Variants in CDH13 observed in about 807,000 individuals in gnomAD.
The protein encoded by CDH13 is cadherin-13.
CDH13 carries 24 observed loss-of-function variants against 63.8 expected under a neutral mutation model. That is an observed-to-expected ratio of 0.38 (90% CI 0.27 to 0.53). CDH13 has a LOEUF of 0.53. Among genes scored for constraint, CDH13 ranks in the 20% least tolerant of loss-of-function variants. The probability of loss-of-function intolerance (pLI) is 0.85; values close to 1 mark genes in which losing one functional copy is unlikely to be tolerated. For synonymous variants in CDH13, 503 were observed against 355.3 expected (o/e 1.42, Z -4.67); for missense variants, 1,049 against 903.1 (o/e 1.16, Z -2.07).
chr16:83,656,559 C>A (rs1328568564), intron 8 of CDH13, among the ~76,000 whole-genome samples: 1 of 152,148 alleles, frequency 6.6e-6, no homozygotes, highest in African/African-American at 2.4e-5. Context: ...ATTGCCCAAG[C>A]TGGGACCAGA....
At chr16:83,669,280 C>T (rs1018021281) in intron 8 of CDH13, among the ~76,000 whole-genome samples, 3 of 152,210 alleles carry the variant, frequency 2.0e-5, no homozygotes, top group South Asian at 2.1e-4. Flanking sequence ...GATTTTCATG[C>T]GCTTTAACCC....
chr16:83,068,315 A>G (rs2032174815), intron 3 of CDH13, among the ~76,000 whole-genome samples: 1 of 152,154 alleles, frequency 6.6e-6, no homozygotes, highest in South Asian at 2.1e-4. Context: ...TTTATTATCT[A>G]TCTAGAATAA....
chr16:82,838,183 C>T (rs748522017), intron 1 of CDH13, among the ~76,000 whole-genome samples: 1 of 152,204 alleles, frequency 6.6e-6, no homozygotes, highest in Non-Finnish European at 1.5e-5. Flanking sequence ...CAGATGCTTG[C>T]GTGTTCCCAT....
intron 1 of CDH13, among the ~76,000 whole-genome samples, chr16:82,768,234 T>C (rs1434585616): frequency 6.6e-6 from 1 of 152,164 alleles, no homozygotes; most frequent in Admixed American, 6.5e-5. Context: ...AGGAATAAAG[T>C]TTCATAAGGT....
At chr16:83,035,946 G>T (rs897406174) in intron 3 of CDH13, among the ~76,000 whole-genome samples, 3 of 152,088 alleles carry the variant, frequency 2.0e-5, no homozygotes, top group African/African-American at 7.2e-5. Flanking sequence ...TAAACCCTGG[G>T]TTTATTCAAG....
chr16:83,419,017 C>A (rs542186522), intron 6 of CDH13, among the ~76,000 whole-genome samples: 3 of 152,246 alleles, frequency 2.0e-5, no homozygotes, highest in East Asian at 3.9e-4. Context: ...TTCATGACAC[C>A]TCATCTGTTT....
At chr16:83,508,095 G>GGAAGGAAGGAAGGAAGGAAA (rs1567722232) in intron 7 of CDH13, among the ~76,000 whole-genome samples, 2 of 73,212 alleles carry the variant, frequency 2.7e-5, no homozygotes, top group African/African-American at 1.0e-4. Flanking sequence ...AAGGAAGGAA[G>GGAAGGAAGGAAGGAAGGAAA]GAAAGAAGGA....
intron 7 of CDH13, among the ~76,000 whole-genome samples, chr16:83,551,550 C>G (rs953443984): frequency 2.0e-5 from 3 of 152,120 alleles, no homozygotes; most frequent in Admixed American, 6.5e-5. Flanking sequence ...CTGTGTCTTA[C>G]GTTTCAAACA....
In CDH13 at chr16:83,192,011, G is replaced by A. The variant is rs138323057; in HGVS notation, c.484-25334G>A. Among the ~76,000 whole-genome samples the A allele has an allele frequency of 3.5e-3, 525 of 152,114 alleles. 4 individuals are homozygous for A. Among genetic ancestry groups the A allele is most frequent in the African/African-American group, 0.011 (458 of 41,512 alleles). On this transcript the variant is annotated intron_variant, in intron 4 of 13. Transcript: ENST00000567109. ...CAAAAGCATGTAGAATTGATATGAC[G>A]GTTAAAGGGGATAGTTAAGGCACCT...
At chr16:83,786,587 CTTAT>C (rs67476425) in intron 13 of CDH13, among the ~76,000 whole-genome samples, 68,305 of 134,586 alleles carry the variant, frequency 0.51, 16,777 homozygotes, top group Non-Finnish European at 0.57. Flanking sequence ...TATTTGTTTA[CTTAT>C]TTATTTATTT....
At chr16:82,688,140 A>T (rs1041968918) in intron 1 of CDH13, among the ~76,000 whole-genome samples, 1 of 152,160 alleles carries the variant, frequency 6.6e-6, no homozygotes, top group Non-Finnish European at 1.5e-5. Context: ...ACAAGTAACC[A>T]CAGGGTAGTT....
chr16:82,629,932 C>T (rs1318775711), intron 1 of CDH13, among the ~76,000 whole-genome samples: 1 of 152,102 alleles, frequency 6.6e-6, no homozygotes, highest in African/African-American at 2.4e-5. Context: ...TACAACTAAC[C>T]AAAAGTTCTA....
At chr16:82,781,388 G>T (rs2035746858) in intron 1 of CDH13, among the ~76,000 whole-genome samples, 1 of 152,056 alleles carries the variant, frequency 6.6e-6, no homozygotes, top group Non-Finnish European at 1.5e-5. Flanking sequence ...GTATTTGAAT[G>T]CTATCTTAAT....
At chr16:82,936,893 C>A (rs2151303170) in intron 2 of CDH13, among the ~76,000 whole-genome samples, 1 of 152,174 alleles carries the variant, frequency 6.6e-6, no homozygotes, top group African/African-American at 2.4e-5. Flanking sequence ...TCCCAGAGTT[C>A]ACCTTTGAAG....
intron 2 of CDH13, among the ~76,000 whole-genome samples, chr16:82,984,411 A>G (rs1303908534): frequency 6.6e-6 from 1 of 152,160 alleles, no homozygotes; most frequent in Non-Finnish European, 1.5e-5. Context: ...TTAAATTCTG[A>G]CTCTGCTACT....
At chr16:83,538,135 C>G (rs114517099) in intron 7 of CDH13, among the ~76,000 whole-genome samples, 5,101 of 152,244 alleles carry the variant, frequency 0.034, 302 homozygotes, top group African/African-American at 0.12. Context: ...TACACATATT[C>G]AGAAGGCCAT....
chr16:83,751,919 A>G (rs555707686), intron 11 of CDH13, among the ~76,000 whole-genome samples: 83 of 152,384 alleles, frequency 5.4e-4, no homozygotes, highest in Non-Finnish European at 8.8e-4. Context: ...CTGGCAAGAT[A>G]GAAATGGAAT....
At chr16:83,479,884 G>A (rs892204401) in intron 6 of CDH13, among the ~76,000 whole-genome samples, 11 of 152,160 alleles carry the variant, frequency 7.2e-5, no homozygotes, top group African/African-American at 2.4e-4. Context: ...TAGAATTAAC[G>A]TTTTGTGATG....
chr16:83,100,442 A>AT (rs2034421089), intron 3 of CDH13, among the ~76,000 whole-genome samples: 1 of 152,126 alleles, frequency 6.6e-6, no homozygotes, highest in Admixed American at 6.5e-5. Context: ...AGGGTGGTGA[A>AT]TTTTTTCATT....
Sources: allele counts gnomAD v4.1 joint callset (sites outside exome capture counted in the v4.1 genomes callset), GRCh38; gene constraint gnomAD v4.1.1; transcripts MANE v1.5; gene names NCBI Gene and HGNC (gene_info 2026-07-23, HGNC 2026-07-21).